ACSL4: variants seen among roughly 807,000 people sequenced by gnomAD.
ACSL4 encodes acyl-CoA synthetase long chain family member 4, also known as long-chain-fatty-acid--CoA ligase 4.
Under a neutral mutation model 49.1 loss-of-function variants are expected in ACSL4, and 9 were observed. That is an observed-to-expected ratio of 0.18 (90% CI 0.11 to 0.32). The LOEUF (loss-of-function observed/expected upper bound fraction) is 0.32. Ranked by LOEUF, ACSL4 falls within the 10% of genes least tolerant of loss-of-function variation. ACSL4 has a pLI of 1.00. For missense variants in ACSL4, 333 were observed against 493.7 expected (o/e 0.67, Z 3.08); for synonymous variants, 191 against 170.3 (o/e 1.12, Z -0.95).
intron 2 of ACSL4, among the ~76,000 whole-genome samples, chrX:109,688,114 G>A (rs765480604): frequency 8.9e-6 from 1 of 112,049 alleles, no homozygotes; most frequent in South Asian, 3.7e-4. Context: ...ACTCTCTTCA[G>A]ACCACCAACA....
chrX:109,700,587 A>G (rs1322483665), intron 1 of ACSL4, among the ~76,000 whole-genome samples: 1 of 110,313 alleles, frequency 9.1e-6, no homozygotes, highest in Non-Finnish European at 1.9e-5. Context: ...CAGGAGAACT[A>G]AGTGGTCATA....
At chrX:109,646,105 T>C (rs1379584378) in intron 15 of ACSL4, among the ~76,000 whole-genome samples, 1 of 111,706 alleles carries the variant, frequency 9.0e-6, no homozygotes, top group African/African-American at 3.3e-5. Context: ...CTGTAGAATA[T>C]TATCCAGGAG....
intron 15 of ACSL4, among the ~76,000 whole-genome samples, chrX:109,646,757 G>A (rs1222869347): frequency 9.0e-6 from 1 of 110,901 alleles, no homozygotes; most frequent in African/African-American, 3.3e-5. Flanking sequence ...ACCCATCAGT[G>A]TGCTGTATTC....
intron 9 of ACSL4, among the ~76,000 whole-genome samples, chrX:109,669,670 G>A (rs1240624149): frequency 8.9e-6 from 1 of 112,253 alleles, no homozygotes; most frequent in Non-Finnish European, 1.9e-5. Context: ...GGGATTACAG[G>A]CGTGAGCCAC....
intron 15 of ACSL4, among the ~76,000 whole-genome samples, chrX:109,651,450 AAAGTT>A (rs1385666773): frequency 8.9e-6 from 1 of 111,894 alleles, no homozygotes; most frequent in African/African-American, 3.2e-5. Flanking sequence ...AGAAAAATAT[AAAGTT>A]GAGTATGAAA....
At chrX:109,667,222 T>G (rs1299797900) in intron 11 of ACSL4, among the ~76,000 whole-genome samples, 2 of 112,574 alleles carry the variant, frequency 1.8e-5, no homozygotes, top group African/African-American at 3.2e-5. Flanking sequence ...CCAGTGTTTC[T>G]CAACCTAAAG....
At chrX:109,716,398 C>A (rs1927123016) in intron 1 of ACSL4, among the ~76,000 whole-genome samples, 1 of 112,385 alleles carries the variant, frequency 8.9e-6, no homozygotes, top group South Asian at 3.6e-4. Context: ...TTATTAAAAA[C>A]TTCCTTCAAA....
rs1210789116 is a variant in ACSL4, at chrX:109,643,555, G to C, written c.*474C>G. On this transcript the variant is annotated 3_prime_UTR_variant, in exon 16 of 16. Transcript: ENST00000672401. The stretch of plus-strand genomic sequence containing the variant: ...ATTGAATTTTTCCTTCAAGATAAAT[G>C]GTTGGAAGAGAATTTTAAAGCCCTG... The C allele has an allele frequency of 8.5e-6, 1 of 117,683 alleles. No individual in the cohort carries two copies. The highest frequency in any genetic ancestry group is 1.8e-5 in the Non-Finnish European group (1 of 56,666). The allele number at this position is 117,683 out of a possible 1,213,427, so 9.7% of individuals were successfully genotyped here.
At chrX:109,720,858 C>T (rs769666347) in intron 1 of ACSL4, among the ~76,000 whole-genome samples, 1 of 112,164 alleles carries the variant, frequency 8.9e-6, no homozygotes, top group East Asian at 2.8e-4. Flanking sequence ...GACTTTAAAC[C>T]GTCCTAGACT....
At chrX:109,711,881 C>G (rs1348646667) in intron 1 of ACSL4, among the ~76,000 whole-genome samples, 1 of 111,406 alleles carries the variant, frequency 9.0e-6, no homozygotes, top group African/African-American at 3.3e-5. Context: ...TACTGTAATA[C>G]CTGGGGCCTA....
intron 2 of ACSL4, among the ~76,000 whole-genome samples, chrX:109,688,031 G>A (rs1170571682): frequency 2.7e-5 from 3 of 111,329 alleles, no homozygotes; most frequent in African/African-American, 9.8e-5. Context: ...ACCTCAAATG[G>A]ACTCTCCCTG....
intron 15 of ACSL4, among the ~76,000 whole-genome samples, chrX:109,653,485 G>A (rs1921336988): frequency 9.0e-6 from 1 of 111,413 alleles, no homozygotes; most frequent in Non-Finnish European, 1.9e-5. Flanking sequence ...AAATCATGCT[G>A]CTATAAAGAC....
chrX:109,661,096 A>G (rs1922140338), intron 14 of ACSL4, among the ~76,000 whole-genome samples: 1 of 111,805 alleles, frequency 8.9e-6, no homozygotes, highest in Non-Finnish European at 1.9e-5. Flanking sequence ...TTTTACCACA[A>G]TTACAATTTT....
intron 1 of ACSL4, among the ~76,000 whole-genome samples, chrX:109,701,179 T>C (rs933292791): frequency 2.7e-5 from 3 of 111,664 alleles, no homozygotes; most frequent in Non-Finnish European, 5.7e-5. Flanking sequence ...GTGGGTAACT[T>C]TGAAGCCTTT....
Position 109,681,158 on chromosome X carries a change from A to T in ACSL4, c.517-22T>A, listed in dbSNP as rs574571840. The T allele has an allele frequency of 6.4e-5, 77 of 1,208,754 alleles. 1 individual carries two copies. In the South Asian group the frequency reaches 1.3e-3, roughly 21 times the overall value. On this transcript the variant is annotated intron_variant, in intron 5 of 15. Coordinates refer to ENST00000672401, the MANE Select transcript of ACSL4 (RefSeq NM_001318510.2). ...CAGTCTGTTGAGCAGAAAGAAAAAA[A>T]AACAGCTATTAAACTTAAGCCTGCA...
intron 9 of ACSL4, among the ~76,000 whole-genome samples, chrX:109,669,856 A>G (rs770842906): frequency 1.8e-5 from 2 of 112,578 alleles, no homozygotes; most frequent in Admixed American, 9.4e-5. Flanking sequence ...CTCTTTTTTT[A>G]CTACAACTTT....
chrX:109,661,962 G>C (rs1281500300), intron 13 of ACSL4, among the ~76,000 whole-genome samples: 1 of 110,510 alleles, frequency 9.0e-6, no homozygotes, highest in East Asian at 2.8e-4. Context: ...TTTAATAGAG[G>C]GAACTAGGAC....
chrX:109,715,403 C>G (rs1927048968), intron 1 of ACSL4, among the ~76,000 whole-genome samples: 1 of 110,980 alleles, frequency 9.0e-6, no homozygotes, highest in African/African-American at 3.3e-5. Flanking sequence ...TTTTGGGAGG[C>G]TGAGGTGGGA....
At chrX:109,646,242 A>C (rs1318973648) in intron 15 of ACSL4, among the ~76,000 whole-genome samples, 1 of 111,639 alleles carries the variant, frequency 9.0e-6, no homozygotes, top group Non-Finnish European at 1.9e-5. Flanking sequence ...AGTTGAAATG[A>C]AGGAAAAAAT....
Sources: allele counts gnomAD v4.1 joint callset (sites outside exome capture counted in the v4.1 genomes callset), GRCh38; gene constraint gnomAD v4.1.1; transcripts MANE v1.5; gene names NCBI Gene and HGNC (gene_info 2026-07-23, HGNC 2026-07-21).